R3HDM1: variants seen among roughly 807,000 people sequenced by gnomAD.
R3HDM1 encodes R3H domain containing 1.
A neutral mutation model predicts 141.1 loss-of-function variants in R3HDM1; 46 were observed. That is an observed-to-expected ratio of 0.33 (90% confidence interval 0.26 to 0.42). The LOEUF (loss-of-function observed/expected upper bound fraction) is 0.42, where lower values mean the gene tolerates loss of function less well. R3HDM1 is among the 10% of genes least tolerant of loss of function. The probability of loss-of-function intolerance (pLI) is 1.00; values close to 1 mark genes in which losing one functional copy is unlikely to be tolerated. For synonymous variants in R3HDM1, 435 were observed against 472.9 expected (o/e 0.92, Z 1.04); for missense variants, 1,184 against 1,368.3 (o/e 0.87, Z 2.12).
At chr2:135,656,970 G>A (rs1352518977) in intron 18 of R3HDM1, among the ~76,000 whole-genome samples, 1 of 151,530 alleles carries the variant, frequency 6.6e-6, no homozygotes, top group Non-Finnish European at 1.5e-5. Context: ...CTGGTGGTGG[G>A]TGCCTATAAT....
At chr2:135,630,250 C>G (rs2062524580) in intron 7 of R3HDM1, among the ~76,000 whole-genome samples, 1 of 128,412 alleles carries the variant, frequency 7.8e-6, no homozygotes, top group African/African-American at 3.1e-5. Context: ...GCACTCCAGC[C>G]TGGGCAACAA....
rs1700890632 is a variant in R3HDM1 at position 135,556,935 on chromosome 2, G to C, written c.-250+25302G>C. 4.6e-5 allele frequency among the ~76,000 whole-genome samples: 7 copies of C among 152,028 alleles called. No individual in the cohort carries two copies. In the South Asian group the frequency reaches 1.5e-3, roughly 32 times the overall value. On this transcript the variant is annotated intron_variant, in intron 1 of 26. Transcript: ENST00000683871. ...ACTTTATCAGCTACCTGTTTACCTA[G>C]ATCATATTGCTCTAGCATCCTTTTT...
At chr2:135,601,566 T>A (rs1440796452) in intron 1 of R3HDM1, among the ~76,000 whole-genome samples, 1 of 152,214 alleles carries the variant, frequency 6.6e-6, no homozygotes, top group Non-Finnish European at 1.5e-5. Context: ...AAGAGGTAAA[T>A]AATCTTTTTA....
intron 1 of R3HDM1, chr2:135,533,992 T>G: frequency 1.0e-6 from 1 of 985,302 alleles, no homozygotes; most frequent in Non-Finnish European, 1.2e-6. Context: ...AGAATGGGTT[T>G]GTTGTTCATA....
rs1327057183 is a variant in R3HDM1, at chr2:135,631,733, G to A, written c.513G>A (p.Leu171=). ...TTTGTTTCAGGGACAGAATGATGCT[G>A]CTGAAATTGGAACAAGAAATTTTAG... ...LKNNPRDRMM[L]LKLEQEILDF... The change falls in exon 8 of 27, where the codon CTG becomes CTA. Residue 171 remains leucine, a synonymous_variant. Transcript: ENST00000683871. 6.3e-7 allele frequency: 1 copy of A among 1,576,380 alleles called. No homozygotes were observed. Among genetic ancestry groups the A allele is most frequent in the Non-Finnish European group, 8.6e-7 (1 of 1,166,764 alleles).
chr2:135,696,422 T>C (rs1391168349), intron 21 of R3HDM1, among the ~76,000 whole-genome samples: 5 of 152,318 alleles, frequency 3.3e-5, no homozygotes, highest in Non-Finnish European at 7.3e-5. Flanking sequence ...CATAAAACTC[T>C]TTAAATTATA....
chr2:135,554,435 G>GT lies in R3HDM1; in HGVS notation c.-250+22808dup, dbSNP rs530410651. On this transcript the variant is annotated intron_variant, in intron 1 of 26. Coordinates refer to ENST00000683871, the MANE Select transcript of R3HDM1 (RefSeq NM_001378107.1). ...GTTGGTGGATATTTGGGTTGTTTCT[G>GT]TTTTTTGGTTATTGTGAGCATCACT... 1.3e-3 allele frequency among the ~76,000 whole-genome samples: 198 copies of GT among 152,246 alleles called. 2 individuals carry two copies. Among genetic ancestry groups the GT allele is most frequent in the Middle Eastern group, 3.4e-3 (1 of 294 alleles).
intron 1 of R3HDM1, among the ~76,000 whole-genome samples, chr2:135,541,944 G>GACC (rs1213437847): frequency 6.6e-6 from 1 of 151,852 alleles, no homozygotes; most frequent in Non-Finnish European, 1.5e-5. Flanking sequence ...AAATGTGTGA[G>GACC]ACCAGAAGTG....
intron 2 of R3HDM1, among the ~76,000 whole-genome samples, chr2:135,603,982 T>C (rs1220265439): frequency 6.6e-6 from 1 of 152,190 alleles, no homozygotes; most frequent in Non-Finnish European, 1.5e-5. Flanking sequence ...GATACATTAA[T>C]CCAGTGCAAA....
intron 1 of R3HDM1, 66 bp downstream of exon 1, chr2:135,531,699 G>T: frequency 1.0e-6 from 1 of 985,918 alleles, no homozygotes; most frequent in Non-Finnish European, 1.2e-6. Flanking sequence ...CCCCTCCCCC[G>T]CCCGCCAACC....
chr2:135,588,121 C>G (rs575037938), intron 1 of R3HDM1, among the ~76,000 whole-genome samples: 1 of 152,056 alleles, frequency 6.6e-6, no homozygotes, highest in East Asian at 1.9e-4. Flanking sequence ...CCCTCTGACT[C>G]TCTCTCCCTG....
intron 1 of R3HDM1, among the ~76,000 whole-genome samples, chr2:135,575,572 T>C (rs1243465631): frequency 2.0e-5 from 3 of 152,128 alleles, no homozygotes; most frequent in Non-Finnish European, 4.4e-5. Context: ...CAAATGATAA[T>C]AGAATTCAAT....
intron 21 of R3HDM1, 55 bp downstream of exon 21, chr2:135,680,379 T>C (rs2070055820): frequency 1.9e-6 from 3 of 1,585,196 alleles, no homozygotes; most frequent in Non-Finnish European, 2.6e-6. Context: ...ACCAGGATTA[T>C]GGTCTGTTGC....
At chr2:135,702,978 C>T (rs2074434247) in intron 21 of R3HDM1, among the ~76,000 whole-genome samples, 1 of 152,116 alleles carries the variant, frequency 6.6e-6, no homozygotes, top group Non-Finnish European at 1.5e-5. Flanking sequence ...AACAGATCTG[C>T]TAATACGCTG....
intron 24 of R3HDM1, among the ~76,000 whole-genome samples, chr2:135,718,099 C>G (rs1235391543): frequency 1.3e-5 from 2 of 152,104 alleles, no homozygotes; most frequent in African/African-American, 4.8e-5. Flanking sequence ...AGAATATATT[C>G]TATATGATTC....
At chr2:135,632,531 G>A (rs1419802394) in intron 9 of R3HDM1, among the ~76,000 whole-genome samples, 1 of 152,072 alleles carries the variant, frequency 6.6e-6, no homozygotes, top group Non-Finnish European at 1.5e-5. Context: ...ATGATTCTCC[G>A]GAGGAGCTTT....
intron 1 of R3HDM1, among the ~76,000 whole-genome samples, chr2:135,542,020 A>G (rs1697699344): frequency 6.6e-6 from 1 of 152,158 alleles, no homozygotes; most frequent in Admixed American, 6.5e-5. Flanking sequence ...TTTAAACAGG[A>G]AATTTATTTG....
intron 19 of R3HDM1, among the ~76,000 whole-genome samples, chr2:135,672,548 C>T (rs952132611): frequency 1.3e-5 from 2 of 152,108 alleles, no homozygotes; most frequent in South Asian, 2.1e-4. Context: ...CTGCTATCCT[C>T]ATACGGTATG....
chr2:135,602,535 G>A lies in R3HDM1; in HGVS notation c.-214G>A. 1 of 1,447,076 alleles carries A rather than the reference G, an allele frequency of 6.9e-7. No individual in the cohort carries two copies. The highest frequency in any genetic ancestry group is 9.1e-7 in the Non-Finnish European group (1 of 1,100,470). The allele number at this position is 1,447,076 out of a possible 1,614,324, so 89.6% of individuals were successfully genotyped here. A position where few individuals can be genotyped will look rare whatever the true frequency, so the allele number is the denominator to read the frequency against. ...GGTATGATATATTTGATCCAAGACA[G>A]TCCATTCCAGTCCGGGAATCTACAG... On this transcript the variant is annotated 5_prime_UTR_variant, in exon 2 of 27. Coordinates refer to ENST00000683871, the MANE Select transcript of R3HDM1 (RefSeq NM_001378107.1).
Sources: allele counts gnomAD v4.1 joint callset (sites outside exome capture counted in the v4.1 genomes callset), GRCh38; gene constraint gnomAD v4.1.1; transcripts MANE v1.5; gene names NCBI Gene and HGNC (gene_info 2026-07-23, HGNC 2026-07-21).